The following DACH2 variants were observed in gnomAD, a reference collection of about 807,000 sequenced individuals.
DACH2 encodes the protein dachshund homolog 2.
In DACH2, 17 loss-of-function variants were observed where a neutral mutation model predicts 35.8. The ratio of observed to expected loss-of-function variants is 0.48; its 90% CI spans 0.33 to 0.71. The LOEUF is 0.71. DACH2 is among the 30% of genes least tolerant of loss of function. DACH2 has a pLI of 0.02. For synonymous variants in DACH2, 195 were observed against 177.3 expected, an observed-to-expected ratio of 1.10 and a Z score of -0.79; for missense variants, 469 against 472.7, an observed-to-expected ratio of 0.99 and a Z score of 0.07.
At chrX:86,560,414 G>A (rs2039197028) in intron 3 of DACH2, among the ~76,000 whole-genome samples, 1 of 95,226 alleles carries the variant, frequency 1.1e-5, no homozygotes, top group Non-Finnish European at 2.1e-5. Flanking sequence ...TGACAATTAT[G>A]TGTCTTGGAG....
At chrX:86,484,309 A>C (rs189038769) in intron 2 of DACH2, among the ~76,000 whole-genome samples, 1 of 111,981 alleles carries the variant, frequency 8.9e-6, no homozygotes, top group East Asian at 2.8e-4. Context: ...GGGGCTCTGC[A>C]GATGTGCAAA....
At chrX:86,168,871 T>A (rs1267216274) in intron 1 of DACH2, among the ~76,000 whole-genome samples, 1 of 111,541 alleles carries the variant, frequency 9.0e-6, no homozygotes, top group Non-Finnish European at 1.9e-5. Flanking sequence ...TGAAATGTTG[T>A]GTTATTGTTT....
chrX:86,600,346 T>C (rs1446031377), intron 3 of DACH2, among the ~76,000 whole-genome samples: 1 of 112,601 alleles, frequency 8.9e-6, no homozygotes, highest in Non-Finnish European at 1.9e-5. Flanking sequence ...GGGTTTACTC[T>C]GGGTCTAATA....
intron 1 of DACH2, among the ~76,000 whole-genome samples, chrX:86,369,163 C>A (rs1289977410): frequency 9.1e-6 from 1 of 110,150 alleles, no homozygotes; most frequent in Non-Finnish European, 1.9e-5. Context: ...AGATTTTGAA[C>A]CTGTAAACAA....
chrX:86,750,333 G>A (rs1188181140), intron 7 of DACH2, among the ~76,000 whole-genome samples: 2 of 111,742 alleles, frequency 1.8e-5, no homozygotes, highest in African/African-American at 6.5e-5. Flanking sequence ...TTGTTTTGCT[G>A]TATCTATCAA....
chrX:86,822,859 G>A, intron 11 of DACH2, among the ~76,000 whole-genome samples: 1 of 111,980 alleles, frequency 8.9e-6, no homozygotes, highest in African/African-American at 3.2e-5. Flanking sequence ...AGCTGAAATA[G>A]TAACAGAAAT....
intron 7 of DACH2, among the ~76,000 whole-genome samples, chrX:86,789,470 T>A (rs1290187104): frequency 2.7e-5 from 3 of 111,562 alleles, no homozygotes; most frequent in Non-Finnish European, 5.7e-5. Context: ...GTATCAATAA[T>A]TTTTTTAAAA....
intron 1 of DACH2, among the ~76,000 whole-genome samples, chrX:86,355,139 A>G (rs1364090222): frequency 5.4e-5 from 6 of 111,382 alleles, no homozygotes; most frequent in African/African-American, 1.6e-4. Context: ...TCCCACTTAT[A>G]CGTGAACATA....
At chrX:86,207,560 A>G (rs2032343936) in intron 1 of DACH2, among the ~76,000 whole-genome samples, 1 of 111,367 alleles carries the variant, frequency 9.0e-6, no homozygotes, top group East Asian at 2.8e-4. Flanking sequence ...ATAAAAAATA[A>G]AATAAAAATA....
chrX:86,494,379 C>T (rs185634396), intron 2 of DACH2, among the ~76,000 whole-genome samples: 89 of 111,839 alleles, frequency 8.0e-4, no homozygotes, highest in African/African-American at 2.8e-3. Flanking sequence ...ATGAGCCCAA[C>T]CCAGCACTCT....
chrX:86,380,422 A>G (rs752369138), intron 2 of DACH2, among the ~76,000 whole-genome samples: 6 of 110,921 alleles, frequency 5.4e-5, no homozygotes, highest in Middle Eastern at 4.6e-3. Context: ...TTACTATTAT[A>G]TATTAAATGA....
intron 4 of DACH2, among the ~76,000 whole-genome samples, chrX:86,661,494 A>T (rs1282428493): frequency 3.6e-5 from 4 of 112,634 alleles, no homozygotes; most frequent in Non-Finnish European, 5.6e-5. Flanking sequence ...AGGTTCATCC[A>T]TATTGTAGCA....
At chrX:86,665,704 G>A (rs185401773) in intron 4 of DACH2, among the ~76,000 whole-genome samples, 1 of 111,156 alleles carries the variant, frequency 9.0e-6, no homozygotes, top group South Asian at 3.7e-4. Flanking sequence ...TTTTGGAAAA[G>A]TCTGTCCAGA....
At chrX:86,624,571 A>G (rs1377178297) in intron 3 of DACH2, among the ~76,000 whole-genome samples, 1 of 112,110 alleles carries the variant, frequency 8.9e-6, no homozygotes, top group African/African-American at 3.2e-5. Context: ...ATTTATGCCA[A>G]TCTGTTTGAA....
chrX:86,271,118 C>T (rs949020103), intron 1 of DACH2, among the ~76,000 whole-genome samples: 5 of 111,318 alleles, frequency 4.5e-5, no homozygotes, highest in African/African-American at 1.6e-4. Flanking sequence ...TTAGAGTACA[C>T]AGCAACCCTA....
chrX:86,586,383 A>T (rs142192028), intron 3 of DACH2, among the ~76,000 whole-genome samples: 44 of 111,405 alleles, frequency 3.9e-4, no homozygotes, highest in African/African-American at 1.4e-3. Context: ...CTCCGTTGGT[A>T]GTTTCTTTTG....
At chrX:86,367,410 G>A (rs2035821458) in intron 1 of DACH2, among the ~76,000 whole-genome samples, 2 of 111,464 alleles carry the variant, frequency 1.8e-5, no homozygotes, top group African/African-American at 6.5e-5. Context: ...CTAACAGGCA[G>A]GCAATAACTT....
intron 1 of DACH2, among the ~76,000 whole-genome samples, chrX:86,199,237 A>G (rs2032079273): frequency 9.0e-6 from 1 of 111,728 alleles, no homozygotes; most frequent in African/African-American, 3.3e-5. Flanking sequence ...ACAAACTCTC[A>G]AAAAACTAGG....
intron 1 of DACH2, among the ~76,000 whole-genome samples, chrX:86,324,672 G>A (rs1332853570): frequency 2.0e-5 from 2 of 101,004 alleles, no homozygotes; most frequent in Non-Finnish European, 4.0e-5. Flanking sequence ...TCCGCCTCCC[G>A]GGTTCACACC....
Sources: gnomAD v4.1 joint callset for allele counts (sites outside exome capture counted in the v4.1 genomes callset) on GRCh38, gnomAD v4.1.1 for gene constraint, MANE v1.5 for transcripts, NCBI Gene and HGNC (gene_info 2026-07-23, HGNC 2026-07-21) for gene names.